Variants in ROBO2 observed in about 807,000 individuals in gnomAD.
ROBO2 encodes roundabout guidance receptor 2.
Under a neutral mutation model 160.8 loss-of-function variants are expected in ROBO2, and 53 were observed. The observed-to-expected ratio is 0.33, with a 90% CI of 0.26 to 0.41. The LOEUF (loss-of-function observed/expected upper bound fraction) is 0.41, where lower values mean the gene tolerates loss of function less well. ROBO2 is among the 10% of genes least tolerant of loss of function. The probability of loss-of-function intolerance (pLI) is 1.00; values close to 1 mark genes in which losing one functional copy is unlikely to be tolerated. For synonymous variants in ROBO2, 664 were observed against 611.7 expected, an observed-to-expected ratio of 1.09 and a Z score of -1.26; for missense variants, 1,577 against 1,722.4, an observed-to-expected ratio of 0.92 and a Z score of 1.49.
intron 2 of ROBO2, among the ~76,000 whole-genome samples, chr3:76,655,726 A>AAGGG (rs375493687): frequency 1.4e-5 from 2 of 143,090 alleles, no homozygotes; most frequent in Non-Finnish European, 1.5e-5. Flanking sequence ...GGAAGGGAGA[A>AAGGG]AGGGAGGGAG....
exon 6 of ROBO2, chr3:77,522,789 A>T (rs1295794571): frequency 1.2e-6 from 2 of 1,608,860 alleles, no homozygotes; most frequent in East Asian, 2.2e-5. Context: ...GACATCAAAG[A>T]CGATTACACA....
Position 76,299,775 on chromosome 3 carries a change from A to G in ROBO2, c.109+362173A>G, listed in dbSNP as rs997734598. On this transcript the variant is annotated intron_variant, in intron 2 of 26. Coordinates refer to the ROBO2 transcript ENST00000487694. The stretch of plus-strand genomic sequence containing the variant: ...AAACTGGTTAAATTCTACATATTTT[A>G]TAGAAGTAGAGTCCATAGGATTTTG... Among the ~76,000 whole-genome samples the G allele has an allele frequency of 1.8e-4, 27 of 152,150 alleles. 1 individual carries two copies. The highest frequency in any genetic ancestry group is 6.6e-4 in the Admixed American group (10 of 15,260).
intron 2 of ROBO2, among the ~76,000 whole-genome samples, chr3:77,274,712 A>G (rs2059714757): frequency 6.6e-6 from 1 of 152,124 alleles, no homozygotes; most frequent in African/African-American, 2.4e-5. Context: ...GGAAAACATT[A>G]TCGTATACTT....
intron 2 of ROBO2, among the ~76,000 whole-genome samples, chr3:76,277,948 A>G (rs926126704): frequency 3.3e-5 from 5 of 151,054 alleles, no homozygotes; most frequent in Non-Finnish European, 7.4e-5. Context: ...TTAACAGGAA[A>G]CTCTTCTCAG....
intron 2 of ROBO2, among the ~76,000 whole-genome samples, chr3:77,414,550 G>C (rs2077058487): frequency 6.6e-6 from 1 of 152,144 alleles, no homozygotes; most frequent in South Asian, 2.1e-4. Flanking sequence ...GCAGAGAGGG[G>C]GAAAATTGCT....
At chr3:76,183,535 A>G (rs770229883) in intron 2 of ROBO2, among the ~76,000 whole-genome samples, 20 of 152,038 alleles carry the variant, frequency 1.3e-4, no homozygotes, top group Non-Finnish European at 2.4e-4. Context: ...TTCTTCATTT[A>G]TTTATTCATT....
intron 2 of ROBO2, among the ~76,000 whole-genome samples, chr3:76,165,574 A>C (rs1338429015): frequency 1.3e-5 from 2 of 152,176 alleles, no homozygotes; most frequent in East Asian, 3.9e-4. Flanking sequence ...TTTCCTTTGT[A>C]GTCACAACTC....
chr3:77,594,424 A>C (rs1401683751), intron 17 of ROBO2, among the ~76,000 whole-genome samples: 1 of 152,122 alleles, frequency 6.6e-6, no homozygotes. Flanking sequence ...TATCGGCTGG[A>C]GAGAGTGGCT....
At chr3:76,457,937 C>T (rs13072732) in intron 2 of ROBO2, among the ~76,000 whole-genome samples, 56,208 of 151,812 alleles carry the variant, frequency 0.37, 10,484 homozygotes, top group Non-Finnish European at 0.39. Flanking sequence ...GCACACAGCA[C>T]GGGAACCCTG....
chr3:76,092,179 A>G (rs2069262466), intron 2 of ROBO2, among the ~76,000 whole-genome samples: 1 of 152,114 alleles, frequency 6.6e-6, no homozygotes, highest in African/African-American at 2.4e-5. Context: ...TGGGGACAAA[A>G]AGTTTATGAG....
intron 9 of ROBO2, 46 bp from the exon 11 acceptor site, chr3:77,562,605 C>T: frequency 1.5e-6 from 2 of 1,361,640 alleles, no homozygotes; most frequent in South Asian, 1.2e-5. Context: ...AATTATTCTG[C>T]AAATTGACTG....
intron 2 of ROBO2, among the ~76,000 whole-genome samples, chr3:77,003,547 T>C (rs769456014): frequency 2.0e-5 from 3 of 152,064 alleles, no homozygotes; most frequent in Non-Finnish European, 2.9e-5. Flanking sequence ...TTTCCAGACA[T>C]GGAGAATTTT....
In ROBO2 at chr3:76,304,747, C is replaced by CTTCCTTCT. The variant is rs1553700107; in HGVS notation, c.109+367148_109+367149insCTTCTTTC. Among the ~76,000 whole-genome samples, 611 of 101,648 alleles carry CTTCCTTCT rather than the reference C, an allele frequency of 6.0e-3. 3 individuals are homozygous for CTTCCTTCT. Among genetic ancestry groups the CTTCCTTCT allele is most frequent in the South Asian group, 0.015 (46 of 3,028 alleles). The allele number at this position is 101,648 out of a possible 152,430, so 66.7% of individuals were successfully genotyped here. ...TTCTTTCTTTCTTTTCTTTTCTTTC[C>CTTCCTTCT]TTCTTTCTTTCTTTCTTTCTTTCTT... On this transcript the variant is annotated intron_variant, in intron 2 of 26. Transcript: ENST00000487694.
At chr3:77,063,720 T>G (rs1325550876) in intron 1 of ROBO2, among the ~76,000 whole-genome samples, 3 of 152,194 alleles carry the variant, frequency 2.0e-5, no homozygotes, top group Non-Finnish European at 4.4e-5. Context: ...TTAATAAATA[T>G]TCGTTGAATT....
chr3:77,486,046 T>C (rs543066759), intron 4 of ROBO2, among the ~76,000 whole-genome samples: 1 of 152,278 alleles, frequency 6.6e-6, no homozygotes, highest in African/African-American at 2.4e-5. Flanking sequence ...GTTTTCTGTT[T>C]CTGCAGTAGT....
intron 2 of ROBO2, among the ~76,000 whole-genome samples, chr3:76,395,012 A>G (rs1320652362): frequency 6.6e-6 from 1 of 152,112 alleles, no homozygotes; most frequent in African/African-American, 2.4e-5. Context: ...CCCCAAATCA[A>G]CAGAATATAC....
chr3:77,071,220 C>A (rs2067376674), intron 1 of ROBO2, among the ~76,000 whole-genome samples: 1 of 152,102 alleles, frequency 6.6e-6, no homozygotes, highest in Non-Finnish European at 1.5e-5. Context: ...AAGGAATATA[C>A]CTTCTCCTAA....
chr3:77,464,525 CT>C (rs1157310601), intron 2 of ROBO2, among the ~76,000 whole-genome samples: 1 of 152,114 alleles, frequency 6.6e-6, no homozygotes, highest in African/African-American at 2.4e-5. Context: ...ATTTTAGAGG[CT>C]AGACTACTTA....
intron 5 of ROBO2, among the ~76,000 whole-genome samples, chr3:77,514,272 T>C (rs2089753878): frequency 6.6e-6 from 1 of 151,822 alleles, no homozygotes; most frequent in Admixed American, 6.6e-5. Context: ...TACCTTTGAT[T>C]GTTTAATAGG....
Sources: gnomAD v4.1 joint callset for allele counts (sites outside exome capture counted in the v4.1 genomes callset) on GRCh38, gnomAD v4.1.1 for gene constraint, MANE v1.5 for transcripts, NCBI Gene and HGNC (gene_info 2026-07-23, HGNC 2026-07-21) for gene names.